DNAJC5B: variants seen among roughly 807,000 people sequenced by gnomAD.
DNAJC5B encodes the protein DnaJ heat shock protein family (Hsp40) member C5 beta.
In DNAJC5B, 23 loss-of-function variants were observed where a neutral mutation model predicts 24.7. The ratio of observed to expected loss-of-function variants is 0.93; its 90% CI spans 0.67 to 1.32. The LOEUF is 1.32. Ranked by LOEUF, DNAJC5B falls within the 40% of genes most tolerant of loss-of-function variation. The pLI is 0.00. For synonymous variants in DNAJC5B, 101 were observed against 90.1 expected, an observed-to-expected ratio of 1.12 and a Z score of -0.68; for missense variants, 238 against 240.8, an observed-to-expected ratio of 0.99 and a Z score of 0.08.
chr8:66,094,075 A>G (rs1360248030), intron 5 of DNAJC5B, among the ~76,000 whole-genome samples: 4 of 152,042 alleles, frequency 2.6e-5, no homozygotes, highest in Non-Finnish European at 1.5e-5. Flanking sequence ...TACCAAGCCC[A>G]TTTATCACAA....
rs569214692 is a variant in DNAJC5B at position 66,078,970 on chromosome 8, T to C, written c.334-1407T>C. ...TGTCCCTCTTGCTCCCTTAATTAGA[T>C]AAAATCTGTGTTTCAATTAAAGGTG... On this transcript the variant is annotated intron_variant, in intron 4 of 5. Transcript: ENST00000276570. 2.0e-5 allele frequency among the ~76,000 whole-genome samples: 3 copies of C among 152,330 alleles called. No individual in the cohort carries two copies. The South Asian group carries it at 6.2e-4, about 32-fold the overall frequency.
chr8:66,086,264 G>A (rs1192615535), intron 5 of DNAJC5B, among the ~76,000 whole-genome samples: 2 of 152,064 alleles, frequency 1.3e-5, no homozygotes, highest in Non-Finnish European at 2.9e-5. Flanking sequence ...ATTCCAATCT[G>A]TATTCCTTTT....
chr8:66,067,971 T>C (rs2128962378), intron 3 of DNAJC5B, among the ~76,000 whole-genome samples: 1 of 152,324 alleles, frequency 6.6e-6, no homozygotes, highest in South Asian at 2.1e-4. Context: ...GGAACACCAG[T>C]CTTGTATGGA....
At chr8:66,059,926 C>T (rs1483248558) in intron 3 of DNAJC5B, among the ~76,000 whole-genome samples, 2 of 152,214 alleles carry the variant, frequency 1.3e-5, no homozygotes, top group Admixed American at 6.5e-5. Context: ...CCCCAAGTCC[C>T]GACCGCTCCT....
At chr8:66,089,877 C>T (rs1807808671) in intron 5 of DNAJC5B, among the ~76,000 whole-genome samples, 1 of 152,102 alleles carries the variant, frequency 6.6e-6, no homozygotes, top group Non-Finnish European at 1.5e-5. Context: ...GAAATATACT[C>T]CCAATGAGAT....
Position 66,044,054 on chromosome 8 carries a change from C to G in DNAJC5B, c.-18+443C>G, listed in dbSNP as rs558010449. Among the ~76,000 whole-genome samples, 368 of 152,166 alleles carry G rather than the reference C, an allele frequency of 2.4e-3. 3 individuals are homozygous for G. The highest frequency in any genetic ancestry group is 3.2e-3 in the Non-Finnish European group (218 of 67,994). On this transcript the variant is annotated intron_variant, in intron 2 of 5. Coordinates refer to ENST00000276570, the MANE Select transcript of DNAJC5B (RefSeq NM_033105.6). ...GCCAGGCTGGTCTGGAACTCCTGAC[C>G]TCAGGTGATCTACCCGCATTGGCCT...
chr8:66,036,435 G>A (rs1293459638), intron 1 of DNAJC5B, among the ~76,000 whole-genome samples: 2 of 152,140 alleles, frequency 1.3e-5, no homozygotes, highest in African/African-American at 2.4e-5. Context: ...ATCCCCCAAC[G>A]GACAAGCTCT....
intron 1 of DNAJC5B, among the ~76,000 whole-genome samples, chr8:66,030,624 G>A (rs1013221779): frequency 4.6e-5 from 7 of 151,922 alleles, no homozygotes; most frequent in Non-Finnish European, 1.0e-4. Context: ...TGCTTTTGTG[G>A]CATGTTCTTT....
intron 5 of DNAJC5B, among the ~76,000 whole-genome samples, chr8:66,085,382 G>A (rs892355158): frequency 6.6e-6 from 1 of 152,158 alleles, no homozygotes; most frequent in Admixed American, 6.5e-5. Flanking sequence ...AGAGGTTGCA[G>A]TGAGCAGAGG....
At chr8:66,071,157 C>A (rs964864313) in intron 3 of DNAJC5B, among the ~76,000 whole-genome samples, 2 of 152,102 alleles carry the variant, frequency 1.3e-5, no homozygotes, top group African/African-American at 4.8e-5. Flanking sequence ...GACTTCATGA[C>A]TAAAACACCA....
chr8:66,060,007 C>T (rs1031209622), intron 3 of DNAJC5B, among the ~76,000 whole-genome samples: 2 of 152,234 alleles, frequency 1.3e-5, no homozygotes, highest in Non-Finnish European at 2.9e-5. Flanking sequence ...TGGGCTGTAC[C>T]TCTGGCAGGA....
rs112622595 is a variant in DNAJC5B at position 66,045,870 on chromosome 8, G to A, written c.-18+2259G>A. On this transcript the variant is annotated intron_variant, in intron 2 of 5. Coordinates refer to ENST00000276570, the MANE Select transcript of DNAJC5B (RefSeq NM_033105.6). ...CAGAAACCTCGGAGTCTTCCTTTGTGAAAAGCATGAATGCTAACGTTAGGC... is the reference window on the plus strand; with the variant it reads ...CAGAAACCTCGGAGTCTTCCTTTGTAAAAAGCATGAATGCTAACGTTAGGC... 4.1e-3 allele frequency among the ~76,000 whole-genome samples: 624 copies of A among 152,290 alleles called. 5 individuals carry two copies. The highest frequency in any genetic ancestry group is 0.014 in the African/African-American group (578 of 41,560).
At chr8:66,034,004 C>A (rs1264112584) in intron 1 of DNAJC5B, among the ~76,000 whole-genome samples, 1 of 152,026 alleles carries the variant, frequency 6.6e-6, no homozygotes, top group Non-Finnish European at 1.5e-5. Flanking sequence ...TACCCTTGCT[C>A]CGTTAATAAC....
At chr8:66,053,049 A>G (rs1806885691) in intron 3 of DNAJC5B, among the ~76,000 whole-genome samples, 1 of 152,084 alleles carries the variant, frequency 6.6e-6, no homozygotes, top group Admixed American at 6.5e-5. Context: ...CTGAGTAGCT[A>G]GGACTTCAGG....
chr8:66,062,521 T>C (rs1330288104), intron 3 of DNAJC5B, among the ~76,000 whole-genome samples: 1 of 152,214 alleles, frequency 6.6e-6, no homozygotes, highest in Non-Finnish European at 1.5e-5. Context: ...ATACATACAT[T>C]TTTGAAGTGA....
chr8:66,086,469 A>G (rs1162600801), intron 5 of DNAJC5B, among the ~76,000 whole-genome samples: 1 of 152,170 alleles, frequency 6.6e-6, no homozygotes. Flanking sequence ...TTCAAGTTTG[A>G]TGACTTTTGC....
At position 66,100,923 on chromosome 8, in the gene DNAJC5B, C is replaced by T. The variant is rs1412475254; in HGVS notation, c.*892C>T. ...AAATTGCTCAGCTCTGTGCATGTTA[C>T]ACAATTTAAGCCCAGAGGTCATCTC... On this transcript the variant is annotated 3_prime_UTR_variant, in exon 6 of 6. Coordinates refer to ENST00000276570, the MANE Select transcript of DNAJC5B (RefSeq NM_033105.6). Among the ~76,000 whole-genome samples, 2 of 152,152 alleles carry T rather than the reference C, an allele frequency of 1.3e-5. No individual in the cohort carries two copies. Among genetic ancestry groups the T allele is most frequent in the South Asian group, 2.1e-4 (1 of 4,832 alleles).
At position 66,100,518 on chromosome 8, in the gene DNAJC5B, A is replaced by T. The variant is rs1438051801; in HGVS notation, c.*487A>T. On this transcript the variant is annotated 3_prime_UTR_variant, in exon 6 of 6. Coordinates refer to ENST00000276570, the MANE Select transcript of DNAJC5B (RefSeq NM_033105.6). ...AATAAAGTTATAGAAATGTTTCAAG[A>T]GCCAGAAAGGGATGATTTTTTTTTA... 1 of 152,296 alleles carries T rather than the reference A, an allele frequency of 6.6e-6. No homozygotes were observed. Among genetic ancestry groups the T allele is most frequent in the Non-Finnish European group, 1.5e-5 (1 of 68,074 alleles). The allele number at this position is 152,296 out of a possible 1,614,324, so 9.4% of individuals were successfully genotyped here. A position where few individuals can be genotyped will look rare whatever the true frequency, so the allele number is the denominator to read the frequency against.
chr8:66,101,053 CTTT>C lies in DNAJC5B; in HGVS notation c.*1026_*1028del, dbSNP rs1455164858. Among the ~76,000 whole-genome samples, 2 of 152,098 alleles carry C rather than the reference CTTT, an allele frequency of 1.3e-5. No individual in the cohort carries two copies. The highest frequency in any genetic ancestry group is 4.8e-5 in the African/African-American group (2 of 41,436). On this transcript the variant is annotated 3_prime_UTR_variant, in exon 6 of 6. Coordinates refer to ENST00000276570, the MANE Select transcript of DNAJC5B (RefSeq NM_033105.6). ...TGTTCGTTTTTCTAGCTCTTTCTTA[CTTT>C]TTTATATAATATTGCATTTTCAAGA... is the stretch of plus-strand genomic sequence containing the variant.
Sources: gnomAD v4.1 joint callset for allele counts (sites outside exome capture counted in the v4.1 genomes callset) on GRCh38, gnomAD v4.1.1 for gene constraint, MANE v1.5 for transcripts, NCBI Gene and HGNC (gene_info 2026-07-23, HGNC 2026-07-21) for gene names.